The following MAPKAP1 variants were observed in gnomAD, a reference collection of about 807,000 sequenced individuals.
MAPKAP1 encodes the protein target of rapamycin complex 2 subunit MAPKAP1.
A neutral mutation model predicts 65.7 loss-of-function variants in MAPKAP1; 20 were observed. That is an observed-to-expected ratio of 0.30 (90% CI 0.21 to 0.44). MAPKAP1 has a LOEUF of 0.44. Among genes scored for constraint, MAPKAP1 ranks in the 20% least tolerant of loss-of-function variants. The pLI is 1.00. For synonymous variants in MAPKAP1, 222 were observed against 244.3 expected (o/e 0.91, Z 0.85); for missense variants, 423 against 648.0 (o/e 0.65, Z 3.77).
intron 11 of MAPKAP1, among the ~76,000 whole-genome samples, chr9:125,444,073 T>C (rs1451902510): frequency 6.6e-6 from 1 of 152,202 alleles, no homozygotes; most frequent in African/African-American, 2.4e-5. Flanking sequence ...AGCAGAAAGT[T>C]AGGTATGTTT....
At chr9:125,698,042 T>C (rs1835436429) in intron 1 of MAPKAP1, among the ~76,000 whole-genome samples, 1 of 151,392 alleles carries the variant, frequency 6.6e-6, no homozygotes, top group African/African-American at 2.4e-5. Context: ...CAGAGCAGCA[T>C]GGAAAAGTGA....
intron 4 of MAPKAP1, among the ~76,000 whole-genome samples, chr9:125,655,235 G>A: frequency 6.6e-6 from 1 of 151,992 alleles, no homozygotes; most frequent in Admixed American, 6.6e-5. Flanking sequence ...TCTTAAATAT[G>A]AGCCGAAAAA....
At chr9:125,701,067 T>G (rs886794281) in intron 1 of MAPKAP1, among the ~76,000 whole-genome samples, 10 of 152,198 alleles carry the variant, frequency 6.6e-5, no homozygotes, top group Non-Finnish European at 1.0e-4. Flanking sequence ...CATTTTAGAT[T>G]TGAGTCATCT....
At chr9:125,689,744 A>C (rs1223054344) in intron 1 of MAPKAP1, among the ~76,000 whole-genome samples, 1 of 150,866 alleles carries the variant, frequency 6.6e-6, no homozygotes, top group East Asian at 1.9e-4. Flanking sequence ...ATCTCAAAAA[A>C]AAAAAAAAAG....
intron 7 of MAPKAP1, among the ~76,000 whole-genome samples, chr9:125,513,951 C>T (rs1829385631): frequency 1.3e-5 from 2 of 152,222 alleles, no homozygotes; most frequent in African/African-American, 4.8e-5. Flanking sequence ...TCCCTAGTCT[C>T]TCAGGTCCTA....
chr9:125,478,692 C>G (rs760281076), intron 9 of MAPKAP1, among the ~76,000 whole-genome samples: 1 of 152,080 alleles, frequency 6.6e-6, no homozygotes, highest in South Asian at 2.1e-4. Context: ...TTGGGTCTGG[C>G]GTATGGGACT....
intron 10 of MAPKAP1, among the ~76,000 whole-genome samples, chr9:125,459,800 C>A (rs1436021164): frequency 7.5e-6 from 1 of 132,966 alleles, no homozygotes; most frequent in Non-Finnish European, 1.7e-5. Context: ...CAGAGGGAGA[C>A]CGTGGAAAGA....
At chr9:125,633,717 C>T (rs1833351309) in intron 4 of MAPKAP1, among the ~76,000 whole-genome samples, 2 of 151,942 alleles carry the variant, frequency 1.3e-5, no homozygotes, top group South Asian at 4.1e-4. Flanking sequence ...AATAACATAA[C>T]TAACTTTTCT....
chr9:125,634,024 AGGC>A (rs2131692922), intron 4 of MAPKAP1, among the ~76,000 whole-genome samples: 1 of 152,342 alleles, frequency 6.6e-6, no homozygotes, highest in African/African-American at 2.4e-5. Flanking sequence ...ATTTGTTCTC[AGGC>A]TAGCCTTGCT....
At chr9:125,593,164 C>T (rs866713492) in intron 4 of MAPKAP1, among the ~76,000 whole-genome samples, 18 of 151,750 alleles carry the variant, frequency 1.2e-4, no homozygotes, top group African/African-American at 4.1e-4. Context: ...ATTAGCTAGG[C>T]ATGGTGGCAT....
intron 1 of MAPKAP1, among the ~76,000 whole-genome samples, chr9:125,674,859 G>A (rs571982728): frequency 6.6e-5 from 10 of 152,232 alleles, no homozygotes; most frequent in Non-Finnish European, 1.0e-4. Context: ...CCCTAATACA[G>A]ACCGAGTACA....
intron 1 of MAPKAP1, among the ~76,000 whole-genome samples, chr9:125,683,189 C>A (rs1393730895): frequency 2.0e-5 from 3 of 152,042 alleles, no homozygotes. Flanking sequence ...AACTCCTGAC[C>A]TCAGGCGATC....
At chr9:125,693,666 C>CGT (rs1488253193) in intron 1 of MAPKAP1, among the ~76,000 whole-genome samples, 1,511 of 134,368 alleles carry the variant, frequency 0.011, 147 homozygotes, top group African/African-American at 0.043. Context: ...CATACACACA[C>CGT]ATATACACGT....
At chr9:125,647,157 G>A (rs925975215) in intron 4 of MAPKAP1, among the ~76,000 whole-genome samples, 8 of 152,136 alleles carry the variant, frequency 5.3e-5, no homozygotes, top group Non-Finnish European at 1.0e-4. Flanking sequence ...TTGCATAGCA[G>A]CATATTTTGC....
chr9:125,515,909 G>A (rs1829447408), intron 7 of MAPKAP1, among the ~76,000 whole-genome samples: 1 of 152,030 alleles, frequency 6.6e-6, no homozygotes, highest in African/African-American at 2.4e-5. Context: ...GGGCTGAGTA[G>A]ATGGCACTCT....
At chr9:125,468,363 G>A (rs1297150777) in intron 9 of MAPKAP1, among the ~76,000 whole-genome samples, 1 of 152,182 alleles carries the variant, frequency 6.6e-6, no homozygotes, top group South Asian at 2.1e-4. Flanking sequence ...ATATGAGAAG[G>A]TATTAAGAAA....
intron 9 of MAPKAP1, among the ~76,000 whole-genome samples, chr9:125,480,930 C>T (rs1589225572): frequency 6.9e-6 from 1 of 145,500 alleles, no homozygotes; most frequent in South Asian, 2.1e-4. Flanking sequence ...CGAGCTTGCA[C>T]CACTGCACTC....
At chr9:125,494,821 C>G (rs1338857728) in intron 8 of MAPKAP1, among the ~76,000 whole-genome samples, 1 of 152,228 alleles carries the variant, frequency 6.6e-6, no homozygotes, top group African/African-American at 2.4e-5. Context: ...CTCACCTGCT[C>G]TGGTCCCCTG....
chr9:125,540,856 T>C (rs995391120), intron 7 of MAPKAP1, among the ~76,000 whole-genome samples: 5 of 152,314 alleles, frequency 3.3e-5, no homozygotes, highest in Admixed American at 2.0e-4. Flanking sequence ...CAAGAGGATT[T>C]TCCTCTTTTC....
Sources: allele counts gnomAD v4.1 joint callset (sites outside exome capture counted in the v4.1 genomes callset), GRCh38; gene constraint gnomAD v4.1.1; transcripts MANE v1.5; gene names NCBI Gene and HGNC (gene_info 2026-07-23, HGNC 2026-07-21).